Variants in CASZ1 observed in about 807,000 individuals in gnomAD.
The protein encoded by CASZ1 is zinc finger protein castor homolog 1.
In CASZ1, 28 loss-of-function variants were observed where a neutral mutation model predicts 135.2. That is an observed-to-expected ratio of 0.21 (90% CI 0.15 to 0.28). The LOEUF (loss-of-function observed/expected upper bound fraction) is 0.28, where lower values mean the gene tolerates loss of function less well. Among genes scored for constraint, CASZ1 ranks in the 10% least tolerant of loss-of-function variants. The probability of loss-of-function intolerance (pLI) is 1.00; values close to 1 mark genes in which losing one functional copy is unlikely to be tolerated. For missense variants in CASZ1, 2,161 were observed against 2,453.3 expected, an observed-to-expected ratio of 0.88 and a Z score of 2.52; for synonymous variants, 1,068 against 1,073.4, an observed-to-expected ratio of 0.99 and a Z score of 0.10.
intron 3 of CASZ1, among the ~76,000 whole-genome samples, chr1:10,696,791 T>C (rs1411657267): frequency 5.9e-5 from 9 of 152,242 alleles, no homozygotes; most frequent in Admixed American, 5.2e-4. Context: ...TCTGAATGTC[T>C]TCCTGGGCTT....
Position 10,638,970 on chromosome 1 carries a change from G to C in CASZ1, c.5252C>G (p.Pro1751Arg). Residue 1751 changes from proline to arginine, a missense_variant, in exon 21 of 21, where the codon CCC becomes CGC. Pro to Arg is a moderately radical substitution (Grantham distance 103). Coordinates refer to ENST00000377022, the MANE Select transcript of CASZ1 (RefSeq NM_001079843.3). The surrounding 1 kb of genome is among the most constrained non-coding windows in gnomAD (Gnocchi z 5.9). The part of the protein sequence containing the change: ...AALAALGAPG[P>R]APTAASSP ...GGGCGAGGAGGCTGCAGTGGGCGCGGGGCCGGGGGCGCCCAGGGCCGCCAG... is the reference window on the plus strand; with the variant it reads ...GGGCGAGGAGGCTGCAGTGGGCGCGCGGCCGGGGGCGCCCAGGGCCGCCAG... 1 of 981,344 alleles carries C rather than the reference G, an allele frequency of 1.0e-6. No homozygotes were observed. The highest frequency in any genetic ancestry group is 1.2e-6 in the Non-Finnish European group (1 of 828,620). The allele number at this position is 981,344 out of a possible 1,614,324, so 60.8% of individuals were successfully genotyped here. A position where few individuals can be genotyped will look rare whatever the true frequency, so the allele number is the denominator to read the frequency against.
chr1:10,655,912 C>A (rs1642775076), intron 8 of CASZ1, 99 bp from the exon 9 acceptor site: 1 of 1,281,866 alleles, frequency 7.8e-7, no homozygotes, highest in South Asian at 1.3e-5. Flanking sequence ...GGCCTCAGGT[C>A]TCCCTAGAAA....
At chr1:10,684,721 G>A (rs921143511) in intron 4 of CASZ1, among the ~76,000 whole-genome samples, 1 of 152,190 alleles carries the variant, frequency 6.6e-6, no homozygotes, top group South Asian at 2.1e-4. Flanking sequence ...CTGGGAACTC[G>A]GCCTGGAGTC....
intron 1 of CASZ1, among the ~76,000 whole-genome samples, chr1:10,780,333 G>A (rs1640740911): frequency 6.6e-6 from 1 of 152,182 alleles, no homozygotes; most frequent in African/African-American, 2.4e-5. Context: ...AAGCTACCCA[G>A]GAGAGAACAC....
intron 4 of CASZ1, among the ~76,000 whole-genome samples, chr1:10,674,703 T>C (rs1643511535): frequency 6.6e-6 from 1 of 152,202 alleles, no homozygotes. Flanking sequence ...GAGCACTGCT[T>C]CCTGCCTGGT....
At chr1:10,705,669 C>T (rs1204713137) in intron 2 of CASZ1, 125 bp from the exon 3 acceptor site, 1 of 152,306 alleles carries the variant, frequency 6.6e-6, no homozygotes, top group Non-Finnish European at 1.5e-5. Flanking sequence ...GCTGATGCTC[C>T]AGGGCCAGCC....
Position 10,741,925 on chromosome 1 carries a change from C to T in CASZ1, c.-77+18776G>A, listed in dbSNP as rs1384089295. On this transcript the variant is annotated intron_variant, in intron 2 of 20. Transcript: ENST00000377022. This position sits in a 1 kb window ranked among gnomAD's most constrained non-coding sequence, Gnocchi z 5.0. ...AGGAGAGATCTAGAACATTTTGGTG[C>T]TATTCTGAGACCTAATGTGCCTAAC... 6.6e-6 allele frequency among the ~76,000 whole-genome samples: 1 copy of T among 152,008 alleles called. No homozygotes were observed. Among genetic ancestry groups the T allele is most frequent in the Non-Finnish European group, 1.5e-5 (1 of 68,016 alleles).
rs528378377 is a variant in CASZ1, at chr1:10,766,812, A to G, written c.-233-5955T>C. On this transcript the variant is annotated intron_variant, in intron 1 of 20. Coordinates refer to ENST00000377022, the MANE Select transcript of CASZ1 (RefSeq NM_001079843.3). The stretch of plus-strand genomic sequence containing the variant: ...AATTAATATCTATAACCTGCAATGA[A>G]GTAGATGGTTCTCTCAACTGGCGAG... 3.5e-3 allele frequency among the ~76,000 whole-genome samples: 532 copies of G among 152,342 alleles called. 4 individuals carry two copies. Among genetic ancestry groups the G allele is most frequent in the Non-Finnish European group, 6.1e-3 (415 of 68,042 alleles).
intron 4 of CASZ1, among the ~76,000 whole-genome samples, chr1:10,669,495 G>A (rs1432931084): frequency 6.6e-6 from 1 of 152,218 alleles, no homozygotes; most frequent in Non-Finnish European, 1.5e-5. Context: ...GGAGGGCCTC[G>A]GGAGAAGGCC....
In CASZ1 at chr1:10,649,568, C is replaced by T. The variant is rs541321485; in HGVS notation, c.2881-131G>A. Reference sequence around the variant, plus strand: ...CCTCAGAGCCAGCAGAGAATGCGGCCCGCCTACTTGGCTCTGGCTGTGGCT... The same window carrying T: ...CCTCAGAGCCAGCAGAGAATGCGGCTCGCCTACTTGGCTCTGGCTGTGGCT... On this transcript the variant is annotated intron_variant, in intron 13 of 20. Transcript: ENST00000377022. The T allele has an allele frequency of 7.5e-6, 8 of 1,066,006 alleles. No individual in the cohort carries two copies. The South Asian group carries it at 1.2e-4, about 16-fold the overall frequency. The allele number at this position is 1,066,006 out of a possible 1,614,324, so 66.0% of individuals were successfully genotyped here.
In CASZ1 at chr1:10,654,445, T is replaced by A. The variant is rs1308170799; in HGVS notation, c.1812A>T (p.Gly604=). ...DCGTADCQFY[G]QKTTHFHCRR... is the part of the protein sequence containing the mutation. ...TGCAGTGGAAGTGCGTGGTCTTCTG[T>A]CCGTAGAACTGGCAGTCGGCTGTGC... Residue 604 remains glycine (G), a synonymous_variant, in exon 10 of 21, where the codon GGA becomes GGT. Coordinates refer to ENST00000377022, the MANE Select transcript of CASZ1 (RefSeq NM_001079843.3). 2.5e-6 allele frequency: 4 copies of A among 1,614,098 alleles called. No individual in the cohort carries two copies. Among genetic ancestry groups the A allele is most frequent in the Non-Finnish European group, 2.5e-6 (3 of 1,180,002 alleles).
chr1:10,736,113 G>A lies in CASZ1; in HGVS notation c.-77+24588C>T, dbSNP rs948958138. Among the ~76,000 whole-genome samples, 7 of 152,122 alleles carry A rather than the reference G, an allele frequency of 4.6e-5. No homozygotes were observed. The South Asian group carries it at 8.3e-4, about 18-fold the overall frequency. On this transcript the variant is annotated intron_variant, in intron 2 of 20. Transcript: ENST00000377022. ...CCCCACCCACCTGTTGCTGATGGGC[G>A]GTACTGGCAGCATTTCTGGGCCCTG... is the stretch of plus-strand genomic sequence containing the variant.
intron 9 of CASZ1, among the ~76,000 whole-genome samples, chr1:10,654,914 C>A (rs1557472816): frequency 6.6e-6 from 1 of 152,178 alleles, no homozygotes. Flanking sequence ...ATTTTGAGTT[C>A]CAATCCATGG....
intron 4 of CASZ1, among the ~76,000 whole-genome samples, chr1:10,674,560 C>T (rs1643506206): frequency 1.3e-5 from 2 of 152,246 alleles, no homozygotes; most frequent in Admixed American, 1.3e-4. Flanking sequence ...CTGCCCTGGG[C>T]TCGGGTCCCC....
chr1:10,736,900 C>T (rs1639809346), intron 2 of CASZ1, among the ~76,000 whole-genome samples: 2 of 152,204 alleles, frequency 1.3e-5, no homozygotes, highest in African/African-American at 4.8e-5. Context: ...CCCGGGCCTG[C>T]AGGTGCTCCT....
chr1:10,645,156 T>C (rs1642328874), intron 17 of CASZ1, 68 bp from the exon 18 acceptor site: 1 of 1,452,834 alleles, frequency 6.9e-7, no homozygotes, highest in Non-Finnish European at 9.5e-7. Context: ...GCCCCGGGCC[T>C]GAGGCTGTGG....
intron 4 of CASZ1, among the ~76,000 whole-genome samples, chr1:10,675,685 G>T (rs1643545547): frequency 6.6e-6 from 1 of 152,076 alleles, no homozygotes; most frequent in Admixed American, 6.5e-5. Flanking sequence ...AGTTGGGCAG[G>T]TACCCCTACC....
chr1:10,747,327 C>G lies in CASZ1; in HGVS notation c.-77+13374G>C, dbSNP rs1209538324. ...CTCATCTTTCGTAGATGCAACCCAG[C>G]AGACAAACCAAATCCCATGGGCAGG... is the stretch of plus-strand genomic sequence containing the variant. On this transcript the variant is annotated intron_variant, in intron 2 of 20. Transcript: ENST00000377022. This position sits in a 1 kb window ranked among gnomAD's most constrained non-coding sequence, Gnocchi z 4.3. Among the ~76,000 whole-genome samples, 4 of 152,216 alleles carry G rather than the reference C, an allele frequency of 2.6e-5. No individual in the cohort carries two copies. The highest frequency in any genetic ancestry group is 5.9e-5 in the Non-Finnish European group (4 of 68,028).
Position 10,700,080 on chromosome 1 carries a change from G to GACACACACACACACACAAACAC in CASZ1, c.-24+5411_-24+5412insGTGTTTGTGTGTGTGTGTGTGT. On this transcript the variant is annotated intron_variant, in intron 3 of 20. Coordinates refer to ENST00000377022, the MANE Select transcript of CASZ1 (RefSeq NM_001079843.3). This position sits in a 1 kb window ranked among gnomAD's most constrained non-coding sequence, Gnocchi z 4.2. ...AGACAGAGAGAGAAAGAGAGATAGA[G>GACACACACACACACACAAACAC]ACACACACACACACACACACACACA... 7.5e-6 allele frequency among the ~76,000 whole-genome samples: 1 copy of GACACACACACACACACAAACAC among 134,016 alleles called. No individual in the cohort carries two copies. The highest frequency in any genetic ancestry group is 1.6e-5 in the Non-Finnish European group (1 of 62,400). The allele number at this position is 134,016 out of a possible 152,430, so 87.9% of individuals were successfully genotyped here. A position where few individuals can be genotyped will look rare whatever the true frequency, so the allele number is the denominator to read the frequency against.
Sources: gnomAD v4.1 joint callset for allele counts (sites outside exome capture counted in the v4.1 genomes callset) on GRCh38, gnomAD v4.1.1 for gene constraint, Gnocchi (gnomAD v3.1) non-coding constraint, MANE v1.5 for transcripts, NCBI Gene and HGNC (gene_info 2026-07-23, HGNC 2026-07-21) for gene names.